Variants in MIPOL1 observed in about 807,000 individuals in gnomAD.
MIPOL1 encodes mirror-image polydactyly 1, also known as mirror-image polydactyly gene 1 protein.
Under a neutral mutation model 60.9 loss-of-function variants are expected in MIPOL1, and 57 were observed. That is an observed-to-expected ratio of 0.94 (90% confidence interval 0.76 to 1.17). MIPOL1 has a LOEUF of 1.17. MIPOL1 is among the 50% of genes most tolerant of loss of function. MIPOL1 has a pLI of 0.00. For missense variants in MIPOL1, 551 were observed against 511.6 expected (o/e 1.08, Z -0.74); for synonymous variants, 179 against 168.8 (o/e 1.06, Z -0.47).
At chr14:37,246,276 G>C (rs1012337178) in intron 1 of MIPOL1, among the ~76,000 whole-genome samples, 11 of 152,116 alleles carry the variant, frequency 7.2e-5, no homozygotes, top group Admixed American at 2.6e-4. Context: ...TCTGCCATAA[G>C]CATTATTTTA....
chr14:37,320,559 T>G (rs1481080442), intron 9 of MIPOL1, among the ~76,000 whole-genome samples: 1 of 152,100 alleles, frequency 6.6e-6, no homozygotes, highest in Non-Finnish European at 1.5e-5. Context: ...CTTGCATTTT[T>G]ATTCTCTTAA....
chr14:37,397,557 A>G (rs1267399328), intron 10 of MIPOL1, among the ~76,000 whole-genome samples: 3 of 152,116 alleles, frequency 2.0e-5, no homozygotes, highest in Non-Finnish European at 2.9e-5. Flanking sequence ...AATTCCCAAG[A>G]GTACATGTAT....
At chr14:37,519,472 T>C (rs927419972) in intron 12 of MIPOL1, among the ~76,000 whole-genome samples, 1 of 152,154 alleles carries the variant, frequency 6.6e-6, no homozygotes, top group African/African-American at 2.4e-5. Flanking sequence ...GATCCTTTCC[T>C]TATTTAAAAT....
intron 7 of MIPOL1, among the ~76,000 whole-genome samples, chr14:37,307,288 C>G (rs984519522): frequency 6.6e-5 from 10 of 151,960 alleles, no homozygotes; most frequent in African/African-American, 1.4e-4. Flanking sequence ...CACAAATTTT[C>G]TTTTAATTAC....
At chr14:37,410,375 AAAG>A (rs1461724228) in intron 10 of MIPOL1, among the ~76,000 whole-genome samples, 1 of 152,186 alleles carries the variant, frequency 6.6e-6, no homozygotes, top group East Asian at 1.9e-4. Context: ...AAATTTAAAA[AAAG>A]AAAATAACTG....
chr14:37,536,465 T>G (rs564861786), intron 12 of MIPOL1, among the ~76,000 whole-genome samples: 2 of 152,292 alleles, frequency 1.3e-5, no homozygotes, highest in East Asian at 3.9e-4. Flanking sequence ...TGTAATAAAT[T>G]ATAGATATGC....
chr14:37,501,096 G>T (rs2095209197), intron 12 of MIPOL1, among the ~76,000 whole-genome samples: 1 of 152,124 alleles, frequency 6.6e-6, no homozygotes, highest in Non-Finnish European at 1.5e-5. Flanking sequence ...ATGTAAGTCA[G>T]TAGTTTTAAA....
intron 3 of MIPOL1, among the ~76,000 whole-genome samples, chr14:37,248,129 T>G (rs1016723823): frequency 1.4e-5 from 2 of 146,560 alleles, no homozygotes; most frequent in Non-Finnish European, 3.0e-5. Flanking sequence ...GACACACACA[T>G]GCACACAGAG....
At chr14:37,328,135 C>T (rs1163698459) in intron 9 of MIPOL1, among the ~76,000 whole-genome samples, 2 of 152,108 alleles carry the variant, frequency 1.3e-5, no homozygotes, top group African/African-American at 4.8e-5. Context: ...GCCCCAGCCT[C>T]CCGAGTAGCT....
chr14:37,270,342 C>T, intron 5 of MIPOL1, 78 bp from the exon 6 acceptor site: 1 of 722,058 alleles, frequency 1.4e-6, no homozygotes, highest in Non-Finnish European at 2.1e-6. Flanking sequence ...AAGAAAAAAC[C>T]AAAAACTTTG....
intron 12 of MIPOL1, among the ~76,000 whole-genome samples, chr14:37,537,112 A>G (rs1038845991): frequency 2.0e-5 from 3 of 152,162 alleles, no homozygotes; most frequent in Non-Finnish European, 2.9e-5. Flanking sequence ...CTCAAATCTC[A>G]TGACTATCAC....
At position 37,271,115 on chromosome 14, in the gene MIPOL1, C is replaced by T. The variant is rs139476039; in HGVS notation, c.493+590C>T. The stretch of plus-strand genomic sequence containing the variant: ...ATATTCTGGAGTCTATGTTTACTCA[C>T]AGGTCTTTGCAAGCAGAAATTTTTA... On this transcript the variant is annotated intron_variant, in intron 6 of 12. Coordinates refer to ENST00000684589, the MANE Select transcript of MIPOL1 (RefSeq NM_001388067.1). 1.9e-3 allele frequency among the ~76,000 whole-genome samples: 295 copies of T among 152,102 alleles called. 1 individual carries two copies. The highest frequency in any genetic ancestry group is 6.8e-3 in the Middle Eastern group (2 of 294).
chr14:37,204,721 C>G (rs983350357), intron 1 of MIPOL1, among the ~76,000 whole-genome samples: 2 of 152,024 alleles, frequency 1.3e-5, no homozygotes, highest in Admixed American at 1.3e-4. Flanking sequence ...AGCGTGAAAA[C>G]GGACTAACAC....
At chr14:37,437,200 C>T (rs1395812432) in intron 11 of MIPOL1, among the ~76,000 whole-genome samples, 1 of 152,092 alleles carries the variant, frequency 6.6e-6, no homozygotes, top group African/African-American at 2.4e-5. Context: ...AAAATATCTT[C>T]TAAAACTTCC....
chr14:37,404,470 A>C lies in MIPOL1; in HGVS notation c.937-18385A>C, dbSNP rs763938335. 5.7e-4 allele frequency among the ~76,000 whole-genome samples: 87 copies of C among 152,314 alleles called. 1 individual carries two copies. The highest frequency in any genetic ancestry group is 7.4e-5 in the Non-Finnish European group (5 of 68,022). ...CAAAGAACTTAAGTGCTTAGCTATT[A>C]TTGTTAGTGCTGGAGAAGTAAGTTG... On this transcript the variant is annotated intron_variant, in intron 10 of 12. Coordinates refer to ENST00000684589, the MANE Select transcript of MIPOL1 (RefSeq NM_001388067.1).
At chr14:37,508,650 A>G (rs1222013963) in intron 12 of MIPOL1, among the ~76,000 whole-genome samples, 1 of 152,164 alleles carries the variant, frequency 6.6e-6, no homozygotes, top group Non-Finnish European at 1.5e-5. Context: ...TAACGTTGCC[A>G]TGATAATTTG....
chr14:37,356,359 T>C (rs941686779), intron 9 of MIPOL1, among the ~76,000 whole-genome samples: 1 of 151,966 alleles, frequency 6.6e-6, no homozygotes, highest in Admixed American at 6.6e-5. Context: ...GCTGTCTTTT[T>C]GTTTGTCTGT....
intron 1 of MIPOL1, among the ~76,000 whole-genome samples, chr14:37,214,206 C>T (rs951103328): frequency 2.0e-5 from 3 of 152,022 alleles, no homozygotes; most frequent in Admixed American, 1.3e-4. Flanking sequence ...GGTGTGTAAA[C>T]GACTCTCATT....
At chr14:37,335,155 T>C (rs1352059071) in intron 9 of MIPOL1, among the ~76,000 whole-genome samples, 1 of 152,102 alleles carries the variant, frequency 6.6e-6, no homozygotes, top group Admixed American at 6.5e-5. Context: ...TTATCTACAT[T>C]CTCGCTAACA....
Sources: gnomAD v4.1 joint callset for allele counts (sites outside exome capture counted in the v4.1 genomes callset) on GRCh38, gnomAD v4.1.1 for gene constraint, MANE v1.5 for transcripts, NCBI Gene and HGNC (gene_info 2026-07-23, HGNC 2026-07-21) for gene names.